Variants in CNOT4 observed in about 807,000 individuals in gnomAD.
The protein encoded by CNOT4 is CCR4-NOT transcription complex subunit 4, also known as CCR4-associated factor 4.
CNOT4 carries 8 observed loss-of-function variants against 73.8 expected under a neutral mutation model. The observed-to-expected ratio is 0.11, with a 90% CI of 0.06 to 0.20. The LOEUF (loss-of-function observed/expected upper bound fraction) is 0.20. Among genes scored for constraint, CNOT4 ranks in the 10% least tolerant of loss-of-function variants. The probability of loss-of-function intolerance (pLI) is 1.00; values close to 1 mark genes in which losing one functional copy is unlikely to be tolerated. For missense variants in CNOT4, 564 were observed against 883.4 expected, an observed-to-expected ratio of 0.64 and a Z score of 4.58; for synonymous variants, 293 against 321.1, an observed-to-expected ratio of 0.91 and a Z score of 0.94.
intron 1 of CNOT4, among the ~76,000 whole-genome samples, chr7:135,502,419 T>C (rs1275464272): frequency 6.6e-6 from 1 of 152,196 alleles, no homozygotes; most frequent in African/African-American, 2.4e-5. Flanking sequence ...CTTTGGACAG[T>C]GCTAATTATA....
At chr7:135,421,688 G>C (rs6955383) in intron 3 of CNOT4, among the ~76,000 whole-genome samples, 3 of 152,116 alleles carry the variant, frequency 2.0e-5, no homozygotes, top group Non-Finnish European at 4.4e-5. Flanking sequence ...AGAATGATGA[G>C]ACAGTATAGT....
chr7:135,407,194 G>A (rs1797339757), intron 7 of CNOT4, among the ~76,000 whole-genome samples: 1 of 152,144 alleles, frequency 6.6e-6, no homozygotes, highest in South Asian at 2.1e-4. Context: ...AGTGATGTCA[G>A]CACCATGCTT....
chr7:135,384,933 T>C (rs1412836520), intron 10 of CNOT4, among the ~76,000 whole-genome samples: 3 of 152,250 alleles, frequency 2.0e-5, no homozygotes, highest in Non-Finnish European at 4.4e-5. Context: ...TGTACTTTTC[T>C]ATGAAAGTTA....
chr7:135,499,440 G>A (rs1374923152), intron 1 of CNOT4, among the ~76,000 whole-genome samples: 1 of 151,260 alleles, frequency 6.6e-6, no homozygotes, highest in Non-Finnish European at 1.5e-5. Context: ...GCACCCCCAA[G>A]GCCACTCACA....
chr7:135,499,868 TAAAAC>T (rs1803848482), intron 1 of CNOT4, among the ~76,000 whole-genome samples: 1 of 152,148 alleles, frequency 6.6e-6, no homozygotes, highest in Non-Finnish European at 1.5e-5. Flanking sequence ...AAACCCCTGT[TAAAAC>T]AAACCCCCCA....
At chr7:135,505,947 T>A (rs1177462019) in intron 1 of CNOT4, among the ~76,000 whole-genome samples, 1 of 152,206 alleles carries the variant, frequency 6.6e-6, no homozygotes, top group Non-Finnish European at 1.5e-5. Flanking sequence ...GAAGTTCTTT[T>A]AGAAAACCAA....
chr7:135,489,491 G>A (rs866452306), intron 1 of CNOT4, among the ~76,000 whole-genome samples: 4 of 146,686 alleles, frequency 2.7e-5, no homozygotes, highest in Admixed American at 7.1e-5. Context: ...CGCTTCCCCA[G>A]CTCAAGCAAT....
chr7:135,457,426 G>A (rs979396491), intron 1 of CNOT4, among the ~76,000 whole-genome samples: 3 of 152,008 alleles, frequency 2.0e-5, no homozygotes, highest in Non-Finnish European at 4.4e-5. Context: ...GTGGAAAGAA[G>A]CATTCTCTAT....
rs200508192 is a variant in CNOT4 at position 135,362,868 on chromosome 7, T to C, written c.*17A>G. 6.2e-7 allele frequency: 1 copy of C among 1,607,708 alleles called. No homozygotes were observed. The highest frequency in any genetic ancestry group is 8.5e-7 in the Non-Finnish European group (1 of 1,174,220). ...GTGGGACAAATCCTGCATTTTCTAA[T>C]GGTTGCTCCTCTTTGCCTAATGGCG... On this transcript the variant is annotated 3_prime_UTR_variant, in exon 12 of 12. Transcript: ENST00000541284.
chr7:135,365,468 T>C (rs574298467), intron 10 of CNOT4, among the ~76,000 whole-genome samples: 3 of 151,856 alleles, frequency 2.0e-5, no homozygotes, highest in East Asian at 3.9e-4. Context: ...AATTATTTCA[T>C]GTGATCTTCA....
At chr7:135,436,920 C>A (rs983486143) in intron 2 of CNOT4, among the ~76,000 whole-genome samples, 1 of 151,866 alleles carries the variant, frequency 6.6e-6, no homozygotes, top group Non-Finnish European at 1.5e-5. Flanking sequence ...GTAATGAACA[C>A]AAGAGGTCTT....
At position 135,464,024 on chromosome 7, in the gene CNOT4, C is replaced by A. The variant is rs201995122; in HGVS notation, c.-92-25601G>T. ...ATCAGGATGGCTATTATTAAAAAGT[C>A]AAAAAAAAAAAAAAAACAGATGGTG... On this transcript the variant is annotated intron_variant, in intron 1 of 11. Transcript: ENST00000541284. Among the ~76,000 whole-genome samples, 875 of 108,968 alleles carry A rather than the reference C, an allele frequency of 8.0e-3. 1 individual carries two copies. The highest frequency in any genetic ancestry group is 8.4e-3 in the African/African-American group (241 of 28,634). The allele number at this position is 108,968 out of a possible 152,430, so 71.5% of individuals were successfully genotyped here.
intron 10 of CNOT4, among the ~76,000 whole-genome samples, chr7:135,374,144 C>G (rs968179224): frequency 1.3e-5 from 2 of 152,108 alleles, no homozygotes; most frequent in Non-Finnish European, 2.9e-5. Flanking sequence ...ATATATCCCA[C>G]GGCCTACTTC....
chr7:135,382,372 A>C (rs182864081), intron 10 of CNOT4, among the ~76,000 whole-genome samples: 2 of 152,358 alleles, frequency 1.3e-5, no homozygotes, highest in African/African-American at 4.8e-5. Context: ...CAGGGTGATA[A>C]GGAGGTCCAA....
intron 1 of CNOT4, among the ~76,000 whole-genome samples, chr7:135,487,009 CA>C (rs1802763066): frequency 6.6e-6 from 1 of 152,078 alleles, no homozygotes; most frequent in Admixed American, 6.5e-5. Context: ...TTCCATTAAG[CA>C]TCCAAAAATG....
rs927198759 is a variant in CNOT4 at position 135,438,150 on chromosome 7, G to C, written c.174+8C>G. 3 of 1,485,404 alleles carry C rather than the reference G, an allele frequency of 2.0e-6. No individual in the cohort carries two copies. The highest frequency in any genetic ancestry group is 2.8e-6 in the Non-Finnish European group (3 of 1,065,470). The allele number at this position is 1,485,404 out of a possible 1,614,324, so 92.0% of individuals were successfully genotyped here. A position where few individuals can be genotyped will look rare whatever the true frequency, so the allele number is the denominator to read the frequency against. On this transcript the variant is annotated splice_region_variant and intron_variant, in intron 2 of 11. Transcript: ENST00000541284. Reference sequence around the variant, plus strand: ...CAAATCACTGTGAAGTTATTTTGAAGTATTTACCTTTCTACATGCAGGACA... The same window carrying C: ...CAAATCACTGTGAAGTTATTTTGAACTATTTACCTTTCTACATGCAGGACA...
chr7:135,434,389 G>A (rs775037412), intron 2 of CNOT4, among the ~76,000 whole-genome samples: 15 of 152,146 alleles, frequency 9.9e-5, no homozygotes, highest in Non-Finnish European at 2.2e-4. Flanking sequence ...TACAAAGTCT[G>A]GTGACCAGGA....
intron 2 of CNOT4, among the ~76,000 whole-genome samples, chr7:135,423,526 CA>C (rs1175930048): frequency 1.3e-5 from 2 of 151,636 alleles, no homozygotes; most frequent in Non-Finnish European, 2.9e-5. Flanking sequence ...ACGCTGACGG[CA>C]ATTAAGAAAG....
chr7:135,403,490 G>A (rs767307590), intron 7 of CNOT4, among the ~76,000 whole-genome samples: 16 of 152,108 alleles, frequency 1.1e-4, no homozygotes, highest in Non-Finnish European at 1.9e-4. Context: ...GTAGCACTAC[G>A]TGCCTATAGT....
Sources: gnomAD v4.1 joint callset for allele counts (sites outside exome capture counted in the v4.1 genomes callset) on GRCh38, gnomAD v4.1.1 for gene constraint, MANE v1.5 for transcripts, NCBI Gene and HGNC (gene_info 2026-07-23, HGNC 2026-07-21) for gene names.